The following PTPN4 variants were observed in gnomAD, a reference collection of about 807,000 sequenced individuals.
PTPN4 encodes protein tyrosine phosphatase non-receptor type 4.
A neutral mutation model predicts 135.5 loss-of-function variants in PTPN4; 49 were observed. The observed-to-expected ratio is 0.36, with a 90% CI of 0.29 to 0.46. PTPN4 has a LOEUF of 0.46. Among genes scored for constraint, PTPN4 ranks in the 20% least tolerant of loss-of-function variants. The pLI, the probability that PTPN4 is intolerant of heterozygous loss-of-function variation, is 1.00. For missense variants in PTPN4, 860 were observed against 1,101.0 expected, an observed-to-expected ratio of 0.78 and a Z score of 3.10; for synonymous variants, 333 against 369.9, an observed-to-expected ratio of 0.90 and a Z score of 1.14.
intron 2 of PTPN4, among the ~76,000 whole-genome samples, chr2:119,819,812 C>T (rs1042312641): frequency 4.0e-4 from 61 of 152,236 alleles, no homozygotes; most frequent in Non-Finnish European, 1.2e-4. Flanking sequence ...AGCCTATGCC[C>T]TTTTTTTCTC....
At chr2:119,910,189 A>G (rs1678550563) in intron 10 of PTPN4, among the ~76,000 whole-genome samples, 1 of 152,064 alleles carries the variant, frequency 6.6e-6, no homozygotes, top group African/African-American at 2.4e-5. Flanking sequence ...CCAACAAAAG[A>G]TTACAACTCC....
intron 15 of PTPN4, among the ~76,000 whole-genome samples, chr2:119,942,748 AG>A (rs1264181479): frequency 6.6e-6 from 1 of 152,184 alleles, no homozygotes; most frequent in African/African-American, 2.4e-5. Flanking sequence ...AGTTCTGCTA[AG>A]GGATGTCCAT....
chr2:119,945,062 A>C lies in PTPN4; in HGVS notation c.1356-19A>C. 6.4e-7 allele frequency: 1 copy of C among 1,557,164 alleles called. No homozygotes were observed. Among genetic ancestry groups the C allele is most frequent in the Middle Eastern group, 1.8e-4 (1 of 5,520 alleles). ...TAAAAAAGTTATGAAACAACTTCCAAATTTGTTTTCTTGTCTAGATCACAA... is the reference window on the plus strand; with the variant it reads ...TAAAAAAGTTATGAAACAACTTCCACATTTGTTTTCTTGTCTAGATCACAA... On this transcript the variant is annotated intron_variant, in intron 15 of 26. Transcript: ENST00000263708.
intron 9 of PTPN4, among the ~76,000 whole-genome samples, chr2:119,886,914 T>G (rs1270930204): frequency 6.6e-6 from 1 of 152,128 alleles, no homozygotes; most frequent in Non-Finnish European, 1.5e-5. Context: ...TAATTCTGAG[T>G]GTTACTTGGA....
intron 2 of PTPN4, among the ~76,000 whole-genome samples, chr2:119,846,939 A>G (rs576994668): frequency 1.2e-3 from 189 of 151,384 alleles, no homozygotes; most frequent in African/African-American, 4.3e-3. Flanking sequence ...TACAAACCCA[A>G]AAATATATTC....
chr2:119,908,091 G>A (rs1273178810), intron 10 of PTPN4, among the ~76,000 whole-genome samples: 1 of 152,112 alleles, frequency 6.6e-6, no homozygotes, highest in Non-Finnish European at 1.5e-5. Flanking sequence ...AAGAAAAATA[G>A]TCAAATGGGA....
chr2:119,766,448 G>A (rs1690623301), intron 1 of PTPN4, among the ~76,000 whole-genome samples: 1 of 71,468 alleles, frequency 1.4e-5, no homozygotes. Flanking sequence ...GCATGTGCGC[G>A]CGTGTGTGTG....
At chr2:119,910,178 ACC>A (rs1678550322) in intron 10 of PTPN4, among the ~76,000 whole-genome samples, 1 of 152,074 alleles carries the variant, frequency 6.6e-6, no homozygotes, top group South Asian at 2.1e-4. Flanking sequence ...AAGACCCTCC[ACC>A]AACAAAAGAT....
intron 2 of PTPN4, among the ~76,000 whole-genome samples, chr2:119,838,865 T>G (rs1677337474): frequency 6.6e-6 from 1 of 152,240 alleles, no homozygotes; most frequent in Admixed American, 6.5e-5. Context: ...AAATATGTAT[T>G]GATTGTTTTA....
At chr2:119,970,252 G>C (rs759135949) in intron 26 of PTPN4, among the ~76,000 whole-genome samples, 7 of 151,730 alleles carry the variant, frequency 4.6e-5, no homozygotes, top group Non-Finnish European at 1.0e-4. Flanking sequence ...TAGACACAGG[G>C]TCTCTCCATG....
intron 13 of PTPN4, among the ~76,000 whole-genome samples, chr2:119,929,006 T>G (rs1300770466): frequency 6.6e-6 from 1 of 152,152 alleles, no homozygotes; most frequent in East Asian, 1.9e-4. Flanking sequence ...TATTAAAATG[T>G]ATAGTTGTTT....
chr2:119,953,457 G>A (rs1445497444), intron 19 of PTPN4, among the ~76,000 whole-genome samples: 1 of 151,928 alleles, frequency 6.6e-6, no homozygotes, highest in Non-Finnish European at 1.5e-5. Context: ...GTCTAGAATT[G>A]GCTTTCTAGG....
In PTPN4 at chr2:119,842,922, AT is replaced by A. The variant is rs1677403230; in HGVS notation, c.139-19612del. On this transcript the variant is annotated intron_variant, in intron 2 of 26. Coordinates refer to ENST00000263708, the MANE Select transcript of PTPN4 (RefSeq NM_002830.4). ...TTTACATGTCTAGATTCATGTAACA[AT>A]TATCAAAATACAGCATAAAGTATTA... 2.0e-5 allele frequency among the ~76,000 whole-genome samples: 3 copies of A among 152,304 alleles called. No individual in the cohort carries two copies. In the South Asian group the frequency reaches 6.2e-4, roughly 32 times the overall value.
At chr2:119,870,487 A>G (rs1455355981) in intron 3 of PTPN4, among the ~76,000 whole-genome samples, 1 of 152,192 alleles carries the variant, frequency 6.6e-6, no homozygotes, top group Non-Finnish European at 1.5e-5. Flanking sequence ...AAGATTTGAC[A>G]ATAGGATCCT....
chr2:119,883,100 C>A (rs1449202641), intron 8 of PTPN4, among the ~76,000 whole-genome samples: 1 of 152,072 alleles, frequency 6.6e-6, no homozygotes, highest in Non-Finnish European at 1.5e-5. Context: ...TCAGAGAGCT[C>A]TAAAATTTAA....
chr2:119,981,511 A>G lies in PTPN4; in HGVS notation c.*4441A>G, dbSNP rs1439435781. 1 of 152,158 alleles carries G rather than the reference A, an allele frequency of 6.6e-6. No individual in the cohort carries two copies. Among genetic ancestry groups the G allele is most frequent in the Non-Finnish European group, 1.5e-5 (1 of 67,980 alleles). 9.4% of individuals were successfully genotyped at this position (152,158 alleles called of 1,614,324 possible). On this transcript the variant is annotated 3_prime_UTR_variant, in exon 27 of 27. Transcript: ENST00000263708. ...TTATTGGTGTCTCAGTGTGATCACA[A>G]TACAAGTTGTAGCAACCATTTTATA...
chr2:119,910,684 T>C (rs182894179), intron 10 of PTPN4, among the ~76,000 whole-genome samples: 1 of 152,222 alleles, frequency 6.6e-6, no homozygotes, highest in East Asian at 1.9e-4. Flanking sequence ...TCTCATGATA[T>C]CTGTTGGTTT....
In PTPN4 at chr2:119,839,369, T is replaced by C. The variant is rs115966007; in HGVS notation, c.139-23167T>C. On this transcript the variant is annotated intron_variant, in intron 2 of 26. Coordinates refer to ENST00000263708, the MANE Select transcript of PTPN4 (RefSeq NM_002830.4). ...CGCAGAAGATTTATAGTGCTAATAA[T>C]GCATGTATAGTATTTGTCTTCCAAG... Among the ~76,000 whole-genome samples, 745 of 152,348 alleles carry C rather than the reference T, an allele frequency of 4.9e-3. 5 individuals are homozygous for C. The highest frequency in any genetic ancestry group is 7.0e-3 in the Non-Finnish European group (473 of 68,030).
intron 12 of PTPN4, among the ~76,000 whole-genome samples, chr2:119,926,286 A>G (rs1416449639): frequency 1.3e-5 from 2 of 152,180 alleles, no homozygotes; most frequent in Non-Finnish European, 2.9e-5. Context: ...GCTTGAAAAC[A>G]AATCTCCTAG....
Sources: gnomAD v4.1 joint callset for allele counts (sites outside exome capture counted in the v4.1 genomes callset) on GRCh38, gnomAD v4.1.1 for gene constraint, MANE v1.5 for transcripts, NCBI Gene and HGNC (gene_info 2026-07-23, HGNC 2026-07-21) for gene names.